TMTC3: variants seen among roughly 807,000 people sequenced by gnomAD.
TMTC3 encodes the protein protein O-mannosyl-transferase TMTC3.
A neutral mutation model predicts 92.2 loss-of-function variants in TMTC3; 52 were observed. That is an observed-to-expected ratio of 0.56 (90% confidence interval 0.45 to 0.71). The LOEUF is 0.71. TMTC3 is among the 30% of genes least tolerant of loss of function. The pLI is 0.00. For missense variants in TMTC3, 896 were observed against 1,057.1 expected (o/e 0.85, Z 2.11); for synonymous variants, 339 against 363.3 (o/e 0.93, Z 0.76).
In TMTC3 at chr12:88,195,856, A is replaced by G. The variant is rs956925445; in HGVS notation, c.*207A>G. 1 of 384,406 alleles carries G rather than the reference A, an allele frequency of 2.6e-6. No individual in the cohort carries two copies. The highest frequency in any genetic ancestry group is 2.1e-5 in the African/African-American group (1 of 47,974). 23.8% of individuals were successfully genotyped at this position (384,406 alleles called of 1,614,324 possible). On this transcript the variant is annotated 3_prime_UTR_variant, in exon 14 of 14. Coordinates refer to ENST00000266712, the MANE Select transcript of TMTC3 (RefSeq NM_181783.4). ...ATCGCTGTTTTCAGAGTGTGGGTGA[A>G]TATAGCAGAAATATTACAGCGGAAG...
rs1368561232 is a variant in TMTC3, at chr12:88,192,650, G to A, written c.1753G>A (p.Ala585Thr). 8 of 1,612,150 alleles carry A rather than the reference G, an allele frequency of 5.0e-6. No homozygotes were observed. The highest frequency in any genetic ancestry group is 6.8e-6 in the Non-Finnish European group (8 of 1,178,732). The change falls in exon 13 of 14, where the codon GCA (alanine) becomes ACA (threonine). Residue 585 changes from alanine to threonine, a missense_variant. Physicochemically the swap from Ala to Thr is moderately conservative, Grantham distance 58. Transcript: ENST00000266712. Reference sequence around the variant, plus strand: ...GAATAAACCTCTTAAAGCAAAGGAAGCATATCTTAAAGCACTAGAGCTGGA... The same window carrying A: ...GAATAAACCTCTTAAAGCAAAGGAAACATATCTTAAAGCACTAGAGCTGGA... ...KMNKPLKAKE[A>T]YLKALELDRN...
At chr12:88,178,988 T>C (rs1447076368) in intron 10 of TMTC3, among the ~76,000 whole-genome samples, 1 of 152,202 alleles carries the variant, frequency 6.6e-6, no homozygotes, top group Non-Finnish European at 1.5e-5. Context: ...AAATAATTTT[T>C]CCCCCTCATT....
rs780344728 is a variant in TMTC3 at position 88,194,968 on chromosome 12, G to A, written c.2064G>A (p.Glu688=). Reference sequence around the variant, plus strand: ...ATGACAAAAAGGACAATGAAGCAGAGATTTGGATGAAGAAAGCCATAAAGT... The same window carrying A: ...ATGACAAAAAGGACAATGAAGCAGAAATTTGGATGAAGAAAGCCATAAAGT... The part of the protein sequence containing the change: ...AMDDKKDNEA[E]IWMKKAIKLQ... The change falls in exon 14 of 14, where the codon GAG becomes GAA. Residue 688 remains glutamate (E), a synonymous_variant. Coordinates refer to ENST00000266712, the MANE Select transcript of TMTC3 (RefSeq NM_181783.4). The A allele has an allele frequency of 2.5e-6, 4 of 1,613,704 alleles. No homozygotes were observed. The highest frequency in any genetic ancestry group is 3.4e-6 in the Non-Finnish European group (4 of 1,179,916).
intron 4 of TMTC3, among the ~76,000 whole-genome samples, chr12:88,158,013 A>G (rs138943861): frequency 4.8e-4 from 73 of 152,298 alleles, no homozygotes; most frequent in Non-Finnish European, 8.8e-4. Flanking sequence ...TTAAAATCAG[A>G]AGAACCATGT....
At chr12:88,153,175 G>A in intron 2 of TMTC3, 116 bp from the exon 3 acceptor site, 1 of 607,438 alleles carries the variant, frequency 1.6e-6, no homozygotes, top group Non-Finnish European at 2.8e-6. Context: ...ATATTTTATT[G>A]TTATTTCTCA....
At chr12:88,158,962 G>C (rs543787936) in intron 4 of TMTC3, among the ~76,000 whole-genome samples, 9 of 149,246 alleles carry the variant, frequency 6.0e-5, no homozygotes, top group Non-Finnish European at 1.3e-4. Context: ...TGAGGCAGGA[G>C]AATCACTCAA....
chr12:88,190,952 A>G (rs563825953), intron 12 of TMTC3, among the ~76,000 whole-genome samples: 106 of 152,254 alleles, frequency 7.0e-4, no homozygotes, highest in African/African-American at 2.5e-3. Context: ...ACATTTTATA[A>G]TAGTTACTTC....
chr12:88,195,066 C>G lies in TMTC3; in HGVS notation c.2162C>G (p.Ala721Gly). 1 of 1,613,840 alleles carries G rather than the reference C, an allele frequency of 6.2e-7. No individual in the cohort carries two copies. Among genetic ancestry groups the G allele is most frequent in the South Asian group, 1.1e-5 (1 of 91,072 alleles). ...LYSQTAKELK[A>G]LPILEELLRY... ...TCCCAGACTGCAAAGGAATTAAAGG[C>G]TTTGCCAATTTTGGAGGAGTTACTC... The change falls in exon 14 of 14, where the codon GCT becomes GGT. Residue 721 changes from alanine to glycine, a missense_variant. Coordinates refer to ENST00000266712, the MANE Select transcript of TMTC3 (RefSeq NM_181783.4).
intron 13 of TMTC3, 40 bp from the exon 14 acceptor site, chr12:88,194,793 ATTATT>A (rs1205052446): frequency 8.0e-7 from 1 of 1,243,892 alleles, no homozygotes; most frequent in African/African-American, 1.5e-5. Context: ...CTCACATTTA[ATTATT>A]TTATTAACAA....
chr12:88,190,715 T>C (rs760881665), intron 12 of TMTC3, 93 bp downstream of exon 12: 101 of 1,349,314 alleles, frequency 7.5e-5, no homozygotes, highest in Non-Finnish European at 1.0e-4. Context: ...TGAAAAAAAA[T>C]TATGTTTTTA....
chr12:88,176,217 A>C lies in TMTC3; in HGVS notation c.1330A>C (p.Asn444His). The change falls in exon 10 of 14, where the codon AAT (asparagine) becomes CAT (histidine). Residue 444 changes from asparagine to histidine, a missense_variant. Physicochemically the swap from Asn to His is moderately conservative, Grantham distance 68. Transcript: ENST00000266712. Reference sequence around the variant, plus strand: ...TGTGCTTGTATTTAAGGTAAATAAAAATAATGCCAAACTTTGGAATAATGT... The same window carrying C: ...TGTGCTTGTATTTAAGGTAAATAAACATAATGCCAAACTTTGGAATAATGT... The part of the protein sequence containing the change: ...LFMSALKVNK[N>H]NAKLWNNVGH... 1.2e-6 allele frequency: 2 copies of C among 1,605,914 alleles called. No homozygotes were observed. The highest frequency in any genetic ancestry group is 1.7e-6 in the Non-Finnish European group (2 of 1,176,744).
rs12321595 is a variant in TMTC3, at chr12:88,154,231, A to G, written c.409-57A>G. The stretch of plus-strand genomic sequence containing the variant: ...TTAAAGTATTTTTACCATTATATAT[A>G]GTAATTTTTCAAGATATTCTTTATT... On this transcript the variant is annotated intron_variant, in intron 3 of 13. Coordinates refer to ENST00000266712, the MANE Select transcript of TMTC3 (RefSeq NM_181783.4). 17,669 of 1,187,578 alleles carry G rather than the reference A, an allele frequency of 0.015. 2,022 individuals are homozygous for G. The African/African-American group carries it at 0.25, about 17-fold the overall frequency. The allele number at this position is 1,187,578 out of a possible 1,614,324, so 73.6% of individuals were successfully genotyped here.
intron 10 of TMTC3, among the ~76,000 whole-genome samples, chr12:88,177,363 A>G (rs900140277): frequency 6.6e-6 from 1 of 152,202 alleles, no homozygotes; most frequent in East Asian, 1.9e-4. Context: ...TTCTGTTGCA[A>G]CTTTTTAGCT....
At position 88,166,422 on chromosome 12, in the gene TMTC3, C is replaced by A; in HGVS notation, c.890C>A (p.Pro297His). Reference sequence around the variant, plus strand: ...GTGAATGCTTGGTTGTTATTAAATCCTTCAGAGCTCTGCTGTGATTGGACC... The same window carrying A: ...GTGAATGCTTGGTTGTTATTAAATCATTCAGAGCTCTGCTGTGATTGGACC... ...LPVNAWLLLN[P>H]SELCCDWTMG... Residue 297 changes from proline (P) to histidine (H), a missense_variant, in exon 7 of 14, where the codon CCT becomes CAT. By Grantham distance (77) the Pro-to-His change is moderately conservative. Coordinates refer to ENST00000266712, the MANE Select transcript of TMTC3 (RefSeq NM_181783.4). 6.2e-7 allele frequency: 1 copy of A among 1,613,770 alleles called. No individual in the cohort carries two copies. The highest frequency in any genetic ancestry group is 1.3e-5 in the African/African-American group (1 of 74,948).
At chr12:88,154,582 A>T (rs2040983368) in intron 4 of TMTC3, among the ~76,000 whole-genome samples, 195 bp downstream of exon 4, 2 of 152,172 alleles carry the variant, frequency 1.3e-5, no homozygotes, top group Admixed American at 1.3e-4. Context: ...TGTATAATTT[A>T]TATTTTTATC....
At position 88,198,720 on chromosome 12, in the gene TMTC3, A is replaced by AAAG. The variant is rs1344975535; in HGVS notation, c.*3073_*3075dup. On this transcript the variant is annotated 3_prime_UTR_variant, in exon 14 of 14. Transcript: ENST00000266712. ...TCAACTTCATGTTACAGAATGCTTT[A>AAAG]AAGATGCTTTAATGAAAAGTATTAA... The AAAG allele has an allele frequency of 6.2e-5, 17 of 272,764 alleles. No homozygotes were observed. Among genetic ancestry groups the AAAG allele is most frequent in the Non-Finnish European group, 1.2e-4 (17 of 147,702 alleles). The allele number at this position is 272,764 out of a possible 1,614,324, so 16.9% of individuals were successfully genotyped here.
chr12:88,165,477 A>G (rs983676957), intron 6 of TMTC3, among the ~76,000 whole-genome samples: 5 of 152,068 alleles, frequency 3.3e-5, no homozygotes, highest in African/African-American at 1.2e-4. Flanking sequence ...ATTTGTTCAA[A>G]TAGTATTTAT....
At chr12:88,190,115 C>A (rs143838586) in intron 11 of TMTC3, among the ~76,000 whole-genome samples, 1 of 152,076 alleles carries the variant, frequency 6.6e-6, no homozygotes, top group African/African-American at 2.4e-5. Context: ...AAAACACACA[C>A]AAAAATGTGA....
rs963881101 is a variant in TMTC3, at chr12:88,162,905, T to C, written c.797+2054T>C. The stretch of plus-strand genomic sequence containing the variant: ...AAAATGTTTTATCTTTCAGTCTTGC[T>C]TTTTTTCTTTCTTCTTTTTTTTTTT... On this transcript the variant is annotated intron_variant, in intron 6 of 13. Transcript: ENST00000266712. 2.7e-5 allele frequency among the ~76,000 whole-genome samples: 3 copies of C among 109,932 alleles called. No homozygotes were observed. In the East Asian group the frequency reaches 8.8e-4, roughly 32 times the overall value. 72.1% of individuals were successfully genotyped at this position (109,932 alleles called of 152,430 possible). A position where few individuals can be genotyped will look rare whatever the true frequency, so the allele number is the denominator to read the frequency against.
Sources: allele counts gnomAD v4.1 joint callset (sites outside exome capture counted in the v4.1 genomes callset), GRCh38; gene constraint gnomAD v4.1.1; transcripts MANE v1.5; gene names NCBI Gene and HGNC (gene_info 2026-07-23, HGNC 2026-07-21).